Variants in KRAS observed in about 807,000 individuals in gnomAD.
KRAS encodes GTPase KRas.
KRAS carries 1 observed loss-of-function variant against 21.0 expected under a neutral mutation model. That is an observed-to-expected ratio of 0.05 (90% CI 0.02 to 0.23). The LOEUF (loss-of-function observed/expected upper bound fraction) is 0.23. Ranked by LOEUF, KRAS falls within the 10% of genes least tolerant of loss-of-function variation. The probability of loss-of-function intolerance (pLI) is 1.00; values close to 1 mark genes in which losing one functional copy is unlikely to be tolerated. For synonymous variants in KRAS, 67 were observed against 72.5 expected (o/e 0.92, Z 0.39); for missense variants, 107 against 221.8 (o/e 0.48, Z 3.29).
intron 2 of KRAS, among the ~76,000 whole-genome samples, chr12:25,237,410 A>G (rs1951556949): frequency 6.6e-6 from 1 of 152,220 alleles, no homozygotes; most frequent in African/African-American, 2.4e-5. Flanking sequence ...TTAAAATAAC[A>G]GAGCTTACCG....
At chr12:25,215,349 C>G in intron 4 of KRAS, 1 of 1,555,592 alleles carries the variant, frequency 6.4e-7, no homozygotes, top group Non-Finnish European at 8.8e-7. Flanking sequence ...GAATACTACA[C>G]CTAAGTAGTT....
At chr12:25,215,383 C>A (rs1284724938) in intron 4 of KRAS, 1 of 1,608,922 alleles carries the variant, frequency 6.2e-7, no homozygotes, top group Non-Finnish European at 8.5e-7. Flanking sequence ...CACCTTGTTA[C>A]CTTTAAAAGA....
intron 2 of KRAS, among the ~76,000 whole-genome samples, chr12:25,241,948 A>T (rs2135801952): frequency 6.6e-6 from 1 of 152,370 alleles, no homozygotes; most frequent in African/African-American, 2.4e-5. Context: ...CTTCAGTATC[A>T]GTTTAATTTT....
At chr12:25,239,068 TTAGCCAATATGAAAG>T (rs1209094509) in intron 2 of KRAS, among the ~76,000 whole-genome samples, 1 of 152,246 alleles carries the variant, frequency 6.6e-6, no homozygotes, top group African/African-American at 2.4e-5. Flanking sequence ...CATTTTAACC[TTAGCCAATATGAAAG>T]TACAGAAATG....
chr12:25,210,083 G>A (rs748823974), intron 4 of KRAS, among the ~76,000 whole-genome samples, 172 bp from the exon 5 acceptor site: 9 of 152,048 alleles, frequency 5.9e-5, no homozygotes, highest in Non-Finnish European at 1.0e-4. Flanking sequence ...AATGTCATCC[G>A]CATAGGTGTT....
At chr12:25,238,078 A>AT in intron 2 of KRAS, among the ~76,000 whole-genome samples, 1 of 152,304 alleles carries the variant, frequency 6.6e-6, no homozygotes, top group Middle Eastern at 3.4e-3. Context: ...AAACTAAGAC[A>AT]TTCACTAAAA....
At chr12:25,217,696 G>C (rs189798753) in intron 4 of KRAS, among the ~76,000 whole-genome samples, 24 of 152,186 alleles carry the variant, frequency 1.6e-4, no homozygotes, top group Non-Finnish European at 7.4e-5. Context: ...CACTTTGAGA[G>C]GGCAAGAGAT....
chr12:25,209,593 C>A lies in KRAS; in HGVS notation c.*202G>T. 2 of 1,331,600 alleles carry A rather than the reference C, an allele frequency of 1.5e-6. No individual in the cohort carries two copies. The highest frequency in any genetic ancestry group is 1.9e-6 in the Non-Finnish European group (2 of 1,043,960). 82.5% of individuals were successfully genotyped at this position (1,331,600 alleles called of 1,614,324 possible). A position where few individuals can be genotyped will look rare whatever the true frequency, so the allele number is the denominator to read the frequency against. On this transcript the variant is annotated 3_prime_UTR_variant, in exon 5 of 5. Transcript: ENST00000311936. Reference sequence around the variant, plus strand: ...TCACAGGCATTGCTAGTTCAAAAACCAAAACTCTGGGAATACTGGCACTTA... The same window carrying A: ...TCACAGGCATTGCTAGTTCAAAAACAAAAACTCTGGGAATACTGGCACTTA...
intron 1 of KRAS, among the ~76,000 whole-genome samples, chr12:25,249,304 G>A (rs1951731776): frequency 1.3e-5 from 2 of 152,180 alleles, no homozygotes; most frequent in Non-Finnish European, 2.9e-5. Flanking sequence ...GGCTGAGGCA[G>A]GAGAATTGCT....
intron 4 of KRAS, among the ~76,000 whole-genome samples, chr12:25,214,887 G>A (rs750805306): frequency 6.6e-6 from 1 of 152,136 alleles, no homozygotes; most frequent in Non-Finnish European, 1.5e-5. Context: ...GGCGGTAGGA[G>A]TCATCCTAAA....
intron 4 of KRAS, among the ~76,000 whole-genome samples, chr12:25,213,474 A>G (rs1951220440): frequency 6.6e-6 from 1 of 152,248 alleles, no homozygotes. Context: ...AAAATTTAAC[A>G]TGCAAAATTG....
intron 4 of KRAS, among the ~76,000 whole-genome samples, 189 bp from the exon 5 acceptor site, chr12:25,210,100 A>G (rs1592794243): frequency 6.6e-6 from 1 of 152,216 alleles, no homozygotes; most frequent in East Asian, 1.9e-4. Context: ...TGTTTTGTCA[A>G]TATTATAAAC....
chr12:25,244,941 C>T (rs1330910400), intron 2 of KRAS, among the ~76,000 whole-genome samples: 1 of 152,026 alleles, frequency 6.6e-6, no homozygotes, highest in African/African-American at 2.4e-5. Context: ...TGTCACAATA[C>T]CAAGAAACCC....
Position 25,227,180 on chromosome 12 carries a change from T to C in KRAS, c.290+54A>G, listed in dbSNP as rs184859673. The C allele has an allele frequency of 3.6e-6, 5 of 1,388,700 alleles. No homozygotes were observed. The African/African-American group carries it at 7.2e-5, about 20-fold the overall frequency. 86.0% of individuals were successfully genotyped at this position (1,388,700 alleles called of 1,614,324 possible). ...ATGGCATTAGCAAAGACTCAAAAAATAAAAACTATAATTACTCCTTAATGT... is the reference window on the plus strand; with the variant it reads ...ATGGCATTAGCAAAGACTCAAAAAACAAAAACTATAATTACTCCTTAATGT... On this transcript the variant is annotated intron_variant, in intron 3 of 4. Coordinates refer to ENST00000311936, the MANE Select transcript of KRAS (RefSeq NM_004985.5).
At chr12:25,212,848 A>C (rs1418444695) in intron 4 of KRAS, among the ~76,000 whole-genome samples, 1 of 152,098 alleles carries the variant, frequency 6.6e-6, no homozygotes. Flanking sequence ...GTGGACTCCT[A>C]AAGTTCTGGC....
At position 25,215,672 on chromosome 12, in the gene KRAS, T is replaced by A. The variant is rs1040787216; in HGVS notation, c.451-5761A>T. 1.2e-4 allele frequency: 94 copies of A among 809,788 alleles called. 1 individual carries two copies. The highest frequency in any genetic ancestry group is 6.3e-5 in the Non-Finnish European group (30 of 478,770). The allele number at this position is 809,788 out of a possible 1,614,324, so 50.2% of individuals were successfully genotyped here. A position where few individuals can be genotyped will look rare whatever the true frequency, so the allele number is the denominator to read the frequency against. On this transcript the variant is annotated intron_variant, in intron 4 of 4. Transcript: ENST00000311936. The stretch of plus-strand genomic sequence containing the variant: ...TATGAGCTTGAGATTTTTTTTTTTT[T>A]AAACAGACATCAGACTGTTTGAATA...
intron 2 of KRAS, among the ~76,000 whole-genome samples, chr12:25,237,847 T>C (rs1002385092): frequency 6.6e-6 from 1 of 152,226 alleles, no homozygotes; most frequent in Non-Finnish European, 1.5e-5. Flanking sequence ...CACTGGCTAC[T>C]GAGAACTGTT....
chr12:25,231,093 T>C (rs1951462963), intron 2 of KRAS, among the ~76,000 whole-genome samples: 1 of 24,342 alleles, frequency 4.1e-5, no homozygotes, highest in African/African-American at 1.2e-4. Context: ...CCTCACATTC[T>C]TTTTTTTTTT....
intron 1 of KRAS, among the ~76,000 whole-genome samples, chr12:25,250,150 T>C (rs555087873): frequency 1.3e-5 from 2 of 152,248 alleles, no homozygotes; most frequent in Admixed American, 6.5e-5. Context: ...CTAAGCACTT[T>C]CCTATGCTCT....
Sources: gnomAD v4.1 joint callset for allele counts (sites outside exome capture counted in the v4.1 genomes callset) on GRCh38, gnomAD v4.1.1 for gene constraint, MANE v1.5 for transcripts, NCBI Gene and HGNC (gene_info 2026-07-23, HGNC 2026-07-21) for gene names.